The following EPHA5 variants were observed in gnomAD, a reference collection of about 807,000 sequenced individuals.
EPHA5 encodes ephrin type-A receptor 5.
A neutral mutation model predicts 105.0 loss-of-function variants in EPHA5; 60 were observed. The ratio of observed to expected loss-of-function variants is 0.57; its 90% CI spans 0.46 to 0.71. The LOEUF is 0.71. Among genes scored for constraint, EPHA5 ranks in the 30% least tolerant of loss-of-function variants. The pLI is 0.00. For synonymous variants in EPHA5, 513 were observed against 449.1 expected, an observed-to-expected ratio of 1.14 and a Z score of -1.80; for missense variants, 1,218 against 1,274.7, an observed-to-expected ratio of 0.96 and a Z score of 0.68.
intron 12 of EPHA5, 38 bp from the exon 13 acceptor site, chr4:65,351,636 C>A (rs377336696): frequency 6.3e-7 from 1 of 1,578,880 alleles, no homozygotes; most frequent in South Asian, 1.1e-5. Flanking sequence ...CTAGCAACAC[C>A]AATCACTGGG....
intron 3 of EPHA5, among the ~76,000 whole-genome samples, chr4:65,595,782 A>T (rs1012331897): frequency 6.6e-6 from 1 of 151,986 alleles, no homozygotes; most frequent in Non-Finnish European, 1.5e-5. Flanking sequence ...AGGTTTCACC[A>T]TGTTAGCCAG....
intron 11 of EPHA5, 103 bp downstream of exon 11, chr4:65,364,914 A>C: frequency 1.1e-6 from 1 of 917,290 alleles, no homozygotes; most frequent in Non-Finnish European, 1.5e-6. Flanking sequence ...TATTAGAGAA[A>C]TTAATATATT....
chr4:65,455,288 A>C (rs1039778068), intron 5 of EPHA5, among the ~76,000 whole-genome samples: 5 of 152,116 alleles, frequency 3.3e-5, no homozygotes, highest in African/African-American at 9.6e-5. Flanking sequence ...AAACTAAAAA[A>C]TGAAAATTAT....
intron 2 of EPHA5, among the ~76,000 whole-genome samples, chr4:65,606,798 A>G (rs140129841): frequency 1.1e-3 from 173 of 152,318 alleles, no homozygotes; most frequent in Non-Finnish European, 2.0e-3. Flanking sequence ...GACATATTTC[A>G]TATTTCAGTC....
chr4:65,410,596 G>T (rs1233269081), intron 7 of EPHA5, among the ~76,000 whole-genome samples: 2 of 152,120 alleles, frequency 1.3e-5, no homozygotes, highest in Non-Finnish European at 2.9e-5. Flanking sequence ...AGGAATACAA[G>T]AAAACAGGAT....
At chr4:65,344,601 G>A (rs988994071) in intron 14 of EPHA5, among the ~76,000 whole-genome samples, 1 of 152,158 alleles carries the variant, frequency 6.6e-6, no homozygotes, top group Non-Finnish European at 1.5e-5. Context: ...AAGTAGACAC[G>A]TGGTAGAAAC....
intron 8 of EPHA5, among the ~76,000 whole-genome samples, chr4:65,383,740 C>A (rs1719814088): frequency 6.6e-6 from 1 of 151,512 alleles, no homozygotes; most frequent in Admixed American, 6.6e-5. Context: ...GTGACTCAGA[C>A]ACTTGGACAT....
intron 3 of EPHA5, among the ~76,000 whole-genome samples, chr4:65,503,145 G>A (rs1350161120): frequency 1.3e-5 from 2 of 151,690 alleles, no homozygotes; most frequent in South Asian, 2.1e-4. Flanking sequence ...TTGAGTCAGG[G>A]ATGAAAAGCT....
chr4:65,542,115 AG>A (rs1265977511), intron 3 of EPHA5, among the ~76,000 whole-genome samples: 2 of 151,862 alleles, frequency 1.3e-5, no homozygotes, highest in Non-Finnish European at 2.9e-5. Flanking sequence ...CAGCACTAAA[AG>A]GTTCACATCA....
chr4:65,365,546 T>G (rs1018371295), intron 10 of EPHA5, among the ~76,000 whole-genome samples: 1 of 148,068 alleles, frequency 6.8e-6, no homozygotes, highest in East Asian at 2.0e-4. Context: ...GTAGTAGTAA[T>G]AAGAAGAGAA....
At position 65,443,928 on chromosome 4, in the gene EPHA5, T is replaced by C. The variant is rs868486957; in HGVS notation, c.1403-23363A>G. On this transcript the variant is annotated intron_variant, in intron 5 of 16. Transcript: ENST00000613740. The stretch of plus-strand genomic sequence containing the variant: ...GCCTGTGTGTGTGTGTGTGTGTGTG[T>C]GCGTGCACGTGTGCACGCGCACATG... Among the ~76,000 whole-genome samples the C allele has an allele frequency of 4.2e-3, 640 of 151,664 alleles. 7 individuals carry two copies. The highest frequency in any genetic ancestry group is 0.015 in the African/African-American group (614 of 41,154).
chr4:65,560,596 G>A (rs557502765), intron 3 of EPHA5, among the ~76,000 whole-genome samples: 2 of 152,080 alleles, frequency 1.3e-5, no homozygotes, highest in Admixed American at 6.6e-5. Flanking sequence ...GGAGAGATAG[G>A]GGAAGCCAAT....
intron 3 of EPHA5, among the ~76,000 whole-genome samples, chr4:65,567,676 C>T (rs1739695027): frequency 6.6e-6 from 1 of 151,496 alleles, no homozygotes; most frequent in Non-Finnish European, 1.5e-5. Flanking sequence ...GCATATTTTG[C>T]AAAGAGCACT....
At position 65,375,282 on chromosome 4, in the gene EPHA5, CT is replaced by C. The variant is rs933350045; in HGVS notation, c.1794-7859del. 3.3e-5 allele frequency among the ~76,000 whole-genome samples: 5 copies of C among 151,462 alleles called. No individual in the cohort carries two copies. In the Admixed American group the frequency reaches 3.3e-4, roughly 10 times the overall value. On this transcript the variant is annotated intron_variant, in intron 8 of 16. Transcript: ENST00000613740. ...TGCCTAAATGCATTTGTGGCTAAAT[CT>C]TTTTTATTTTTTTTTCACAAACACA...
chr4:65,495,628 A>G (rs1731854312), intron 3 of EPHA5, 85 bp from the exon 4 acceptor site: 4 of 1,151,708 alleles, frequency 3.5e-6, no homozygotes, highest in South Asian at 1.6e-5. Flanking sequence ...TTTGACTTGT[A>G]TATGCAGATT....
intron 7 of EPHA5, among the ~76,000 whole-genome samples, chr4:65,411,863 CACTT>C (rs770982814): frequency 2.8e-4 from 43 of 152,226 alleles, no homozygotes; most frequent in Non-Finnish European, 2.5e-4. Context: ...TTATTTGAGT[CACTT>C]ACAGCATCTT....
chr4:65,411,369 A>T (rs1324750441), intron 7 of EPHA5, among the ~76,000 whole-genome samples: 2 of 152,100 alleles, frequency 1.3e-5, no homozygotes, highest in Admixed American at 1.3e-4. Context: ...AATGACGGAA[A>T]TGTAATATAA....
chr4:65,393,254 G>T (rs546121582), intron 8 of EPHA5, among the ~76,000 whole-genome samples: 14 of 152,176 alleles, frequency 9.2e-5, no homozygotes, highest in Non-Finnish European at 1.8e-4. Context: ...TTCAGTTTCA[G>T]TTGTGAGTTC....
intron 3 of EPHA5, among the ~76,000 whole-genome samples, chr4:65,562,282 T>C (rs1739087549): frequency 6.6e-6 from 1 of 152,066 alleles, no homozygotes; most frequent in South Asian, 2.1e-4. Context: ...TTGTACAAAA[T>C]TTTATTGACA....
Sources: allele counts gnomAD v4.1 joint callset (sites outside exome capture counted in the v4.1 genomes callset), GRCh38; gene constraint gnomAD v4.1.1; transcripts MANE v1.5; gene names NCBI Gene and HGNC (gene_info 2026-07-23, HGNC 2026-07-21).